The following CIRBP variants were observed in gnomAD, a reference collection of about 807,000 sequenced individuals.
The protein encoded by CIRBP is cold-inducible RNA-binding protein.
CIRBP carries 11 observed loss-of-function variants against 22.3 expected under a neutral mutation model. That is an observed-to-expected ratio of 0.49 (90% CI 0.31 to 0.82). CIRBP has a LOEUF of 0.82. CIRBP is among the 40% of genes least tolerant of loss of function. The pLI, the probability that CIRBP is intolerant of heterozygous loss-of-function variation, is 0.05. For missense variants in CIRBP, 456 were observed against 402.7 expected (o/e 1.13, Z -1.13); for synonymous variants, 216 against 158.8 (o/e 1.36, Z -2.71).
At chr19:1,271,529 T>G (rs747446655) in intron 4 of CIRBP, 22 bp from the exon 5 acceptor site, 2 of 1,597,304 alleles carry the variant, frequency 1.3e-6, no homozygotes. Flanking sequence ...GAGCTGGTAC[T>G]CACTTTTTCC....
At position 1,274,260 on chromosome 19, in the gene CIRBP, T is replaced by A. The variant is rs2081387169; in HGVS notation, c.*1817T>A. On this transcript the variant is annotated 3_prime_UTR_variant, in exon 6 of 6. Transcript: ENST00000587896. ...CCGGGGAGGCCGGGAGGGGCAGCTG[T>A]GAGCCCTGTGGAGGACGTTGGGAGT... is the stretch of plus-strand genomic sequence containing the variant. 7.5e-6 allele frequency: 3 copies of A among 400,992 alleles called. No homozygotes were observed. In the Admixed American group the frequency reaches 1.3e-4, roughly 18 times the overall value. 24.8% of individuals were successfully genotyped at this position (400,992 alleles called of 1,614,324 possible). A position where few individuals can be genotyped will look rare whatever the true frequency, so the allele number is the denominator to read the frequency against.
rs1759498412 is a variant in CIRBP, at chr19:1,274,124, G to A, written c.*1681G>A. 2.6e-6 allele frequency: 1 copy of A among 391,492 alleles called. No individual in the cohort carries two copies. The highest frequency in any genetic ancestry group is 4.5e-6 in the Non-Finnish European group (1 of 221,988). 24.3% of individuals were successfully genotyped at this position (391,492 alleles called of 1,614,324 possible). Reference sequence around the variant, plus strand: ...TAGCTCCATCCCATACGGGTAGCTGGCTCCAGCTGCGCCAAGGTGCAGACC... The same window carrying A: ...TAGCTCCATCCCATACGGGTAGCTGACTCCAGCTGCGCCAAGGTGCAGACC... On this transcript the variant is annotated 3_prime_UTR_variant, in exon 6 of 6. Coordinates refer to ENST00000587896, the MANE Select transcript of CIRBP (RefSeq NM_001300829.2).
In CIRBP at chr19:1,272,027, T is replaced by C; in HGVS notation, c.478T>C (p.Tyr160His). The C allele has an allele frequency of 6.2e-6, 10 of 1,614,018 alleles. No individual in the cohort carries two copies. The highest frequency in any genetic ancestry group is 8.5e-6 in the Non-Finnish European group (10 of 1,179,906). Residue 160 changes from tyrosine to histidine, a missense_variant, in exon 6 of 6, where the codon TAC becomes CAC. By Grantham distance (83) the Tyr-to-His change is moderately conservative. Coordinates refer to ENST00000587896, the MANE Select transcript of CIRBP (RefSeq NM_001300829.2). ...CAGTGACCGGAGCTCGGGCGGGTCC[T>C]ACAGAGACAGTTATGACAGTTACGG... ...GYSDRSSGGS[Y>H]RDSYDSYGKS...
At chr19:1,271,784 A>C in intron 5 of CIRBP, 152 bp downstream of exon 5, 1 of 702,896 alleles carries the variant, frequency 1.4e-6, no homozygotes. Flanking sequence ...GAGACTGCTC[A>C]GGACATTCGC....
In CIRBP at chr19:1,272,326, G is replaced by A. The variant is rs1568833923; in HGVS notation, c.777G>A (p.Trp259Ter). Reference protein sequence around the residue: ...RRPASLGCGGWLLPGRRPRPG... With the variant: ...RRPASLGCGG The stretch of plus-strand genomic sequence containing the variant: ...CAGCCTCCCTCGGCTGTGGGGGGTG[G>A]TTGCTCCCCGGCCGCAGGCCGCGCC... The change falls in exon 6 of 6, where the codon TGG becomes TGA. Residue 259 changes from tryptophan (W) to a stop codon, truncating the protein, a stop_gained. Transcript: ENST00000587896. LOFTEE classifies it low-confidence loss of function (END_TRUNC). The A allele has an allele frequency of 6.2e-7, 1 of 1,613,690 alleles. No individual in the cohort carries two copies. The highest frequency in any genetic ancestry group is 8.5e-7 in the Non-Finnish European group (1 of 1,179,862).
Position 1,272,379 on chromosome 19 carries a change from C to G in CIRBP, c.830C>G (p.Pro277Arg), listed in dbSNP as rs369794641. The G allele has an allele frequency of 7.5e-6, 12 of 1,602,528 alleles. No individual in the cohort carries two copies. The highest frequency in any genetic ancestry group is 1.1e-5 in the South Asian group (1 of 89,678). Reference sequence around the variant, plus strand: ...GGTCTGGCCTCTGGGGTGAAGCTGCCTCTTGTTGCTTCGGTGCCTTTACAC... The same window carrying G: ...GGTCTGGCCTCTGGGGTGAAGCTGCGTCTTGTTGCTTCGGTGCCTTTACAC... ...RPGLASGVKL[P>R]LVASVPLHCA... The change falls in exon 6 of 6, where the codon CCT becomes CGT. Residue 277 changes from proline (P) to arginine (R), a missense_variant. Physicochemically the swap from Pro to Arg is moderately radical, Grantham distance 103. Transcript: ENST00000587896.
chr19:1,270,851 C>T (rs1011377113), intron 1 of CIRBP, 77 bp from the exon 2 acceptor site: 7 of 913,838 alleles, frequency 7.7e-6, no homozygotes, highest in South Asian at 5.5e-5. Context: ...AAACACATGT[C>T]ATTTACATAA....
In CIRBP at chr19:1,274,484, C is replaced by T. The variant is rs775604200; in HGVS notation, c.*2041C>T. 3 of 392,736 alleles carry T rather than the reference C, an allele frequency of 7.6e-6. No homozygotes were observed. The highest frequency in any genetic ancestry group is 2.1e-5 in the African/African-American group (1 of 48,484). The allele number at this position is 392,736 out of a possible 1,614,324, so 24.3% of individuals were successfully genotyped here. ...AGTGGCATGTGGCGCTGAGCCCTGT[C>T]CCGGGCGGCACCTGGGCGTTTCAGT... On this transcript the variant is annotated 3_prime_UTR_variant, in exon 6 of 6. Coordinates refer to ENST00000587896, the MANE Select transcript of CIRBP (RefSeq NM_001300829.2).
Position 1,271,649 on chromosome 19 carries a change from C to T in CIRBP, c.431+17C>T, listed in dbSNP as rs115311065. On this transcript the variant is annotated intron_variant, in intron 5 of 5. Coordinates refer to ENST00000587896, the MANE Select transcript of CIRBP (RefSeq NM_001300829.2). ...CTATAGCAGGTGAGGGGGAGGCCGG[C>T]CCAAGCACAGGGGTGGTTGCGGGAT... 1,582 of 1,461,844 alleles carry T rather than the reference C, an allele frequency of 1.1e-3. 15 individuals are homozygous for T. The African/African-American group carries it at 0.02, about 19-fold the overall frequency. 90.6% of individuals were successfully genotyped at this position (1,461,844 alleles called of 1,614,324 possible). A position where few individuals can be genotyped will look rare whatever the true frequency, so the allele number is the denominator to read the frequency against.
chr19:1,273,879 G>C lies in CIRBP; in HGVS notation c.*1436G>C. On this transcript the variant is annotated 3_prime_UTR_variant, in exon 6 of 6. Transcript: ENST00000587896. The stretch of plus-strand genomic sequence containing the variant: ...AACTAAAGTCAGGCCCAGCCATTAC[G>C]CTCCCCACGTGCAGCCAGGTGCAGC... 1 of 163,092 alleles carries C rather than the reference G, an allele frequency of 6.1e-6. No homozygotes were observed. Among genetic ancestry groups the C allele is most frequent in the Non-Finnish European group, 1.3e-5 (1 of 76,082 alleles). 10.1% of individuals were successfully genotyped at this position (163,092 alleles called of 1,614,324 possible).
Position 1,271,487 on chromosome 19 carries a change from C to G in CIRBP, c.349+20C>G. On this transcript the variant is annotated intron_variant, in intron 4 of 5. Transcript: ENST00000587896. ...CTAGAGGTGAGTGCCATGAGTGGGT[C>G]CCTTGGGGATGCTGTGAGGTACTGC... is the stretch of plus-strand genomic sequence containing the variant. 6.2e-7 allele frequency: 1 copy of G among 1,603,662 alleles called. No homozygotes were observed. Among genetic ancestry groups the G allele is most frequent in the Non-Finnish European group, 8.5e-7 (1 of 1,174,956 alleles).
Position 1,272,653 on chromosome 19 carries a change from T to A in CIRBP, c.*210T>A. The stretch of plus-strand genomic sequence containing the variant: ...TTTTCTTTTTAAGGAAGTGCTGTTT[T>A]TTTTTGAGGGTTTTCAAAACATTTT... On this transcript the variant is annotated 3_prime_UTR_variant, in exon 6 of 6. Transcript: ENST00000587896. 1 of 439,638 alleles carries A rather than the reference T, an allele frequency of 2.3e-6. No individual in the cohort carries two copies. Among genetic ancestry groups the A allele is most frequent in the Non-Finnish European group, 4.1e-6 (1 of 246,490 alleles). 27.2% of individuals were successfully genotyped at this position (439,638 alleles called of 1,614,324 possible).
At chr19:1,270,791 G>A (rs1208253046) in intron 1 of CIRBP, 137 bp from the exon 2 acceptor site, 5 of 732,756 alleles carry the variant, frequency 6.8e-6, no homozygotes, top group Admixed American at 2.2e-5. Flanking sequence ...CTAGGTATGA[G>A]TTTGAGATAA....
Position 1,273,934 on chromosome 19 carries a change from GA to G in CIRBP, c.*1494del. The stretch of plus-strand genomic sequence containing the variant: ...GCCCAGTCATGCCTGGCTCATAGAT[GA>G]AATCCCTTAAGCAGGATTGAAGACC... On this transcript the variant is annotated 3_prime_UTR_variant, in exon 6 of 6. Transcript: ENST00000587896. The G allele has an allele frequency of 5.3e-6, 1 of 189,562 alleles. No homozygotes were observed. Among genetic ancestry groups the G allele is most frequent in the Non-Finnish European group, 1.1e-5 (1 of 93,196 alleles). 11.7% of individuals were successfully genotyped at this position (189,562 alleles called of 1,614,324 possible). A position where few individuals can be genotyped will look rare whatever the true frequency, so the allele number is the denominator to read the frequency against.
chr19:1,271,692 G>C, intron 5 of CIRBP, 60 bp downstream of exon 5: 1 of 1,090,064 alleles, frequency 9.2e-7, no homozygotes, highest in Non-Finnish European at 1.3e-6. Flanking sequence ...TTCCGTCCCG[G>C]GTCCCAGGTC....
intron 1 of CIRBP, chr19:1,269,814 C>G (rs1049630240): frequency 1.9e-6 from 1 of 517,166 alleles, no homozygotes; most frequent in Non-Finnish European, 3.9e-6. Context: ...CACACCAACG[C>G]TTTTGCTTAC....
intron 1 of CIRBP, among the ~76,000 whole-genome samples, chr19:1,270,622 AATT>A (rs1265776579): frequency 6.6e-6 from 1 of 152,010 alleles, no homozygotes; most frequent in Non-Finnish European, 1.5e-5. Context: ...AATTTAAAAA[AATT>A]ATCCAGGCGT....
At chr19:1,271,271 AGTCCC>A in intron 3 of CIRBP, 25 bp downstream of exon 3, 1 of 1,613,962 alleles carries the variant, frequency 6.2e-7, no homozygotes, top group Non-Finnish European at 8.5e-7. Context: ...GCTGAGCAGG[AGTCCC>A]GTCTCGAGGA....
In CIRBP at chr19:1,271,005, G is replaced by A. The variant is rs1175679968; in HGVS notation, c.72G>A (p.Gln24=). Residue 24 remains glutamine (Q), a synonymous_variant, in exon 2 of 6, where the codon CAG becomes CAA. Transcript: ENST00000587896. Reference sequence around the variant, plus strand: ...ACACCAATGAGCAGTCGCTGGAGCAGGTCTTCTCAAAGTACGGACAGATCT... The same window carrying A: ...ACACCAATGAGCAGTCGCTGGAGCAAGTCTTCTCAAAGTACGGACAGATCT... ...SFDTNEQSLE[Q]VFSKYGQISE... is the part of the protein sequence containing the mutation. 1 of 1,614,050 alleles carries A rather than the reference G, an allele frequency of 6.2e-7. No homozygotes were observed. The highest frequency in any genetic ancestry group is 8.5e-7 in the Non-Finnish European group (1 of 1,180,018).
Sources: allele counts gnomAD v4.1 joint callset (sites outside exome capture counted in the v4.1 genomes callset), GRCh38; gene constraint gnomAD v4.1.1; transcripts MANE v1.5; gene names NCBI Gene and HGNC (gene_info 2026-07-23, HGNC 2026-07-21).